The following DDX1 variants were observed in gnomAD, a reference collection of about 807,000 sequenced individuals.
The protein encoded by DDX1 is DEAD-box helicase 1, also known as ATP-dependent RNA helicase DDX1.
Under a neutral mutation model 108.7 loss-of-function variants are expected in DDX1, and 28 were observed. The observed-to-expected ratio is 0.26, with a 90% CI of 0.19 to 0.35. DDX1 has a LOEUF of 0.35. DDX1 is among the 10% of genes least tolerant of loss of function. The pLI, the probability that DDX1 is intolerant of heterozygous loss-of-function variation, is 1.00. For synonymous variants in DDX1, 295 were observed against 288.9 expected, an observed-to-expected ratio of 1.02 and a Z score of -0.21; for missense variants, 710 against 884.5, an observed-to-expected ratio of 0.80 and a Z score of 2.50.
chr2:15,619,667 A>G (rs1252905617), intron 16 of DDX1, among the ~76,000 whole-genome samples: 1 of 152,224 alleles, frequency 6.6e-6, no homozygotes, highest in Non-Finnish European at 1.5e-5. Flanking sequence ...CTCAAAGGTA[A>G]CAGTCTTAAA....
intron 13 of DDX1, among the ~76,000 whole-genome samples, chr2:15,612,488 T>C (rs1318120686): frequency 1.7e-4 from 25 of 144,184 alleles, no homozygotes; most frequent in African/African-American, 6.0e-4. Flanking sequence ...CTAGATGGGA[T>C]GGCGGCCGGG....
At chr2:15,610,914 C>T (rs1177522503) in intron 13 of DDX1, among the ~76,000 whole-genome samples, 1 of 146,782 alleles carries the variant, frequency 6.8e-6, no homozygotes, top group Non-Finnish European at 1.5e-5. Context: ...ATTGATCATT[C>T]TTGGGTGTTT....
intron 2 of DDX1, 84 bp downstream of exon 2, chr2:15,595,280 T>C: frequency 1.6e-6 from 2 of 1,240,306 alleles, no homozygotes; most frequent in Non-Finnish European, 2.3e-6. Context: ...AATATTTTTG[T>C]GTCTAGTTGG....
chr2:15,622,323 T>G (rs1054697701), intron 18 of DDX1, among the ~76,000 whole-genome samples: 7 of 152,254 alleles, frequency 4.6e-5, no homozygotes, highest in Non-Finnish European at 1.0e-4. Flanking sequence ...TATTTATCAA[T>G]TTTTAAAAAG....
chr2:15,604,913 G>C (rs1665640186), intron 10 of DDX1, among the ~76,000 whole-genome samples: 1 of 152,162 alleles, frequency 6.6e-6, no homozygotes, highest in Non-Finnish European at 1.5e-5. Flanking sequence ...AGGCCATGCA[G>C]ATTTCTGCAA....
chr2:15,595,063 T>G (rs1665477114), intron 1 of DDX1, 82 bp from the exon 2 acceptor site: 6 of 1,099,846 alleles, frequency 5.5e-6, no homozygotes, highest in Non-Finnish European at 6.7e-6. Flanking sequence ...ATCTTTACCC[T>G]GTTTTATGAA....
rs1351222969 is a variant in DDX1, at chr2:15,630,993, A to G, written c.*87A>G. 2.3e-6 allele frequency: 3 copies of G among 1,330,882 alleles called. No individual in the cohort carries two copies. Among genetic ancestry groups the G allele is most frequent in the South Asian group, 1.4e-5 (1 of 70,948 alleles). 82.4% of individuals were successfully genotyped at this position (1,330,882 alleles called of 1,614,324 possible). A position where few individuals can be genotyped will look rare whatever the true frequency, so the allele number is the denominator to read the frequency against. ...AGTTGTACTGCTTCCAAGCAGCAGT[A>G]TTTATAGTAACGTAAGCTATTAATG... On this transcript the variant is annotated 3_prime_UTR_variant, in exon 26 of 26. Coordinates refer to ENST00000233084, the MANE Select transcript of DDX1 (RefSeq NM_004939.3).
chr2:15,618,116 G>T, intron 15 of DDX1, 65 bp from the exon 16 acceptor site: 1 of 955,246 alleles, frequency 1.0e-6, no homozygotes, highest in South Asian at 1.8e-5. Context: ...TTTTGATACT[G>T]ATTAAAACTT....
rs769796012 is a variant in DDX1 at position 15,630,860 on chromosome 2, T to G, written c.2177T>G (p.Phe726Cys). 6.2e-7 allele frequency: 1 copy of G among 1,614,154 alleles called. No homozygotes were observed. The highest frequency in any genetic ancestry group is 2.2e-5 in the East Asian group (1 of 44,878). The change falls in exon 26 of 26, where the codon TTC becomes TGC. Residue 726 changes from phenylalanine (F) to cysteine (C), a missense_variant. Around this residue, in one of 3 missense-constraint regions of DDX1, gnomAD observed 661 missense variants for 810.2 expected, o/e 0.82. Coordinates refer to ENST00000233084, the MANE Select transcript of DDX1 (RefSeq NM_004939.3). ...AALEKEAQTS[F>C]LHLGYLPNQL... ...CTTGAAAAGGAGGCGCAGACATCTT[T>G]CCTGCATCTTGGCTACCTTCCTAAC...
intron 19 of DDX1, among the ~76,000 whole-genome samples, chr2:15,625,060 A>G (rs1205046641): frequency 1.3e-5 from 2 of 152,166 alleles, no homozygotes; most frequent in Non-Finnish European, 1.5e-5. Flanking sequence ...CTAAGTGTCC[A>G]TCAGTAGGAG....
intron 19 of DDX1, among the ~76,000 whole-genome samples, chr2:15,626,674 T>C (rs1666104623): frequency 6.6e-6 from 1 of 152,130 alleles, no homozygotes; most frequent in Non-Finnish European, 1.5e-5. Context: ...CACATTAACT[T>C]GATGATGCTT....
In DDX1 at chr2:15,617,246, A is replaced by G; in HGVS notation, c.1020A>G (p.Val340=). Residue 340 remains valine, a splice_region_variant and synonymous_variant, in exon 15 of 26, where the codon GTA becomes GTG. Coordinates refer to ENST00000233084, the MANE Select transcript of DDX1 (RefSeq NM_004939.3). The part of the protein sequence containing the change: ...RDQLSVLENG[V]DIVVGTPGRL... ...GTGGTTGGTTTGCTTTTTTTCAGGT[A>G]GATATAGTTGTAGGTACTCCGGGAA... 6 of 1,550,868 alleles carry G rather than the reference A, an allele frequency of 3.9e-6. No homozygotes were observed. Among genetic ancestry groups the G allele is most frequent in the Non-Finnish European group, 5.3e-6 (6 of 1,141,372 alleles).
intron 6 of DDX1, among the ~76,000 whole-genome samples, chr2:15,600,740 C>CTTTTTTTTTTTT (rs1157559293): frequency 1.4e-5 from 1 of 73,536 alleles, no homozygotes; most frequent in Non-Finnish European, 2.4e-5. Context: ...TTTGCATTTT[C>CTTTTTTTTTTTT]TTTTTTTTTT....
At chr2:15,604,648 T>C (rs764260877) in intron 10 of DDX1, 139 bp downstream of exon 10, 32 of 634,708 alleles carry the variant, frequency 5.0e-5, no homozygotes, top group Non-Finnish European at 5.9e-5. Context: ...TATTGAGCAT[T>C]GACTATGTGT....
chr2:15,617,114 TATAAA>T, intron 14 of DDX1, 125 bp from the exon 15 acceptor site: 2 of 416,376 alleles, frequency 4.8e-6, no homozygotes, highest in Non-Finnish European at 4.3e-6. Flanking sequence ...TTTTTTTTTT[TATAAA>T]TTTAGAGTTG....
At chr2:15,622,119 G>C (rs958139985) in intron 18 of DDX1, among the ~76,000 whole-genome samples, 1 of 152,210 alleles carries the variant, frequency 6.6e-6, no homozygotes, top group Non-Finnish European at 1.5e-5. Context: ...CTTTGCAAAA[G>C]ATACTGAAAT....
chr2:15,611,030 G>C (rs924376035), intron 13 of DDX1, among the ~76,000 whole-genome samples: 51 of 150,226 alleles, frequency 3.4e-4, no homozygotes, highest in African/African-American at 1.2e-3. Flanking sequence ...AGGACCCTGC[G>C]GCCTTCCGCA....
Position 15,593,577 on chromosome 2 carries a change from T to C in DDX1, c.17-1568T>C, listed in dbSNP as rs148114849. On this transcript the variant is annotated intron_variant, in intron 1 of 25. Transcript: ENST00000233084. Reference sequence around the variant, plus strand: ...AATTTACTGAAAATGATATGTTGTTTCTTGTATAACAATTTTGCAAAGAGC... The same window carrying C: ...AATTTACTGAAAATGATATGTTGTTCCTTGTATAACAATTTTGCAAAGAGC... Among the ~76,000 whole-genome samples the C allele has an allele frequency of 6.2e-3, 951 of 152,338 alleles. 17 individuals are homozygous for C. Among genetic ancestry groups the C allele is most frequent in the African/African-American group, 0.022 (895 of 41,574 alleles).
At chr2:15,609,096 C>T (rs897215567) in intron 13 of DDX1, among the ~76,000 whole-genome samples, 2 of 152,062 alleles carry the variant, frequency 1.3e-5, no homozygotes, top group Non-Finnish European at 2.9e-5. Flanking sequence ...AAAACAAATA[C>T]AATAAATGCC....
Sources: gnomAD v4.1 joint callset for allele counts (sites outside exome capture counted in the v4.1 genomes callset) on GRCh38, gnomAD v4.1.1 for gene constraint, gnomAD v4.1.1 regional missense constraint, MANE v1.5 for transcripts, NCBI Gene and HGNC (gene_info 2026-07-23, HGNC 2026-07-21) for gene names.